The following CFAP96 variants were observed in gnomAD, a reference collection of about 807,000 sequenced individuals.
CFAP96 encodes cilia and flagella associated protein 96, also known as cilia-and flagella-associated protein 96.
chr4:185,426,531 T>C, the CFAP96 span: 1 of 152,474 alleles, frequency 6.6e-6, no homozygotes, highest in South Asian at 2.0e-4. Context: ...CTCCTGACGC[T>C]CCATCCGTAC....
At chr4:185,447,049 C>A in the CFAP96 span, among the ~76,000 whole-genome samples, 6 of 152,250 alleles carry the variant, frequency 3.9e-5, no homozygotes, top group African/African-American at 1.2e-4. Context: ...CTAAAGTCTG[C>A]TAATATCCTC....
the CFAP96 span, chr4:185,436,375 T>C: frequency 2.7e-6 from 4 of 1,501,210 alleles, no homozygotes; most frequent in Admixed American, 5.9e-5. Context: ...AAATCTGTTT[T>C]GAATGTTTCA....
At chr4:185,410,248 A>G in the CFAP96 span, among the ~76,000 whole-genome samples, 1 of 152,180 alleles carries the variant, frequency 6.6e-6, no homozygotes, top group Admixed American at 6.5e-5. Flanking sequence ...CCATAATAGA[A>G]AAATATAAAA....
At chr4:185,411,315 G>A in the CFAP96 span, among the ~76,000 whole-genome samples, 10,300 of 151,818 alleles carry the variant, frequency 0.068, 391 homozygotes, top group South Asian at 0.088. Context: ...TGTTTTACAG[G>A]CAAGTTTTAC....
At chr4:185,422,717 AAAAC>A in the CFAP96 span, among the ~76,000 whole-genome samples, 2 of 152,352 alleles carry the variant, frequency 1.3e-5, no homozygotes, top group East Asian at 1.9e-4. Context: ...AGAAAAAACA[AAAAC>A]AAAAGCAACC....
the CFAP96 span, among the ~76,000 whole-genome samples, chr4:185,447,383 T>C: frequency 1.2e-4 from 19 of 152,084 alleles, no homozygotes; most frequent in Non-Finnish European, 2.2e-4. Context: ...GGTTTCACTG[T>C]GTTAGCCAGG....
At chr4:185,444,002 G>A in the CFAP96 span, among the ~76,000 whole-genome samples, 6 of 102,498 alleles carry the variant, frequency 5.9e-5, no homozygotes, top group African/African-American at 2.2e-4. Flanking sequence ...GCCGGACTGC[G>A]GACTGCAGTG....
At chr4:185,441,777 A>G in the CFAP96 span, among the ~76,000 whole-genome samples, 1 of 151,804 alleles carries the variant, frequency 6.6e-6, no homozygotes, top group Non-Finnish European at 1.5e-5. Flanking sequence ...TCCAGCTTTT[A>G]TTTAGTTTGG....
the CFAP96 span, among the ~76,000 whole-genome samples, chr4:185,447,401 T>TTC: frequency 6.6e-6 from 1 of 152,064 alleles, no homozygotes; most frequent in East Asian, 1.9e-4. Context: ...AGGATGGACT[T>TTC]GATCTCCTGA....
the CFAP96 span, among the ~76,000 whole-genome samples, chr4:185,438,778 A>G: frequency 6.6e-6 from 1 of 152,182 alleles, no homozygotes; most frequent in Non-Finnish European, 1.5e-5. Context: ...GATAGGAGCT[A>G]TGCTCAATCT....
At chr4:185,421,243 A>G in the CFAP96 span, among the ~76,000 whole-genome samples, 1 of 152,212 alleles carries the variant, frequency 6.6e-6, no homozygotes, top group African/African-American at 2.4e-5. Context: ...GGAAAAGAAT[A>G]TTCTGCACCC....
At chr4:185,429,508 A>T in the CFAP96 span, 1 of 1,509,256 alleles carries the variant, frequency 6.6e-7, no homozygotes, top group South Asian at 1.3e-5. Flanking sequence ...GTCACAATTT[A>T]ATCGTAAGTA....
At chr4:185,412,114 C>T in the CFAP96 span, among the ~76,000 whole-genome samples, 6 of 152,070 alleles carry the variant, frequency 3.9e-5, no homozygotes. Context: ...TATTCATTTC[C>T]CCACTGTGCT....
chr4:185,410,037 A>G, the CFAP96 span, among the ~76,000 whole-genome samples: 2 of 152,226 alleles, frequency 1.3e-5, no homozygotes, highest in African/African-American at 4.8e-5. Context: ...TAAGCCATCA[A>G]ATATGTTATT....
chr4:185,433,396 C>CA, the CFAP96 span, among the ~76,000 whole-genome samples: 441 of 27,864 alleles, frequency 0.016, 4 homozygotes, highest in African/African-American at 0.039. Context: ...GACTCCATCT[C>CA]AAAAAAAAAA....
At chr4:185,428,931 T>C in the CFAP96 span, among the ~76,000 whole-genome samples, 1 of 152,238 alleles carries the variant, frequency 6.6e-6, no homozygotes, top group African/African-American at 2.4e-5. Flanking sequence ...TGCAGGATGC[T>C]GAAATCATTG....
At chr4:185,425,880 G>A in the CFAP96 span, 1 of 1,601,816 alleles carries the variant, frequency 6.2e-7, no homozygotes. Flanking sequence ...TCCGCGACGT[G>A]GCGGTGACAC....
the CFAP96 span, among the ~76,000 whole-genome samples, chr4:185,411,260 T>C: frequency 6.7e-6 from 1 of 149,662 alleles, no homozygotes; most frequent in African/African-American, 2.5e-5. Context: ...CAAAACTAAA[T>C]TGGTTACTAA....
chr4:185,417,988 G>A, the CFAP96 span, among the ~76,000 whole-genome samples: 2 of 150,614 alleles, frequency 1.3e-5, no homozygotes, highest in South Asian at 2.1e-4. Context: ...AAGTTGCAGT[G>A]AGCCGAGATC....
Sources: gnomAD v4.1 joint callset for allele counts (sites outside exome capture counted in the v4.1 genomes callset) on GRCh38, gnomAD v4.1.1 for gene constraint, MANE v1.5 for transcripts, NCBI Gene and HGNC (gene_info 2026-07-23, HGNC 2026-07-21) for gene names.